The following PRDM11 variants were observed in gnomAD, a reference collection of about 807,000 sequenced individuals.
PRDM11 encodes PR domain-containing protein 11.
Under a neutral mutation model 97.8 loss-of-function variants are expected in PRDM11, and 20 were observed. The observed-to-expected ratio is 0.20, with a 90% confidence interval of 0.14 to 0.30. The LOEUF is 0.30. Ranked by LOEUF, PRDM11 falls within the 10% of genes least tolerant of loss-of-function variation. PRDM11 has a pLI of 1.00. For synonymous variants in PRDM11, 599 were observed against 637.7 expected (o/e 0.94, Z 0.91); for missense variants, 1,139 against 1,555.2 (o/e 0.73, Z 4.50).
chr11:45,105,601 G>A (rs967655799), intron 1 of PRDM11, among the ~76,000 whole-genome samples: 14 of 152,242 alleles, frequency 9.2e-5, no homozygotes, highest in Non-Finnish European at 1.3e-4. Context: ...CGTGGTGACA[G>A]CAGAGCCATG....
intron 1 of PRDM11, among the ~76,000 whole-genome samples, chr11:45,176,074 C>T (rs192776585): frequency 3.9e-5 from 6 of 152,040 alleles, no homozygotes; most frequent in Admixed American, 2.6e-4. Flanking sequence ...CTTGTAAAGG[C>T]CCTCTTCTAA....
At chr11:45,138,226 G>GAAAAAAAGATATTCTTAGAGA (rs1852918195) in intron 1 of PRDM11, among the ~76,000 whole-genome samples, 1 of 151,850 alleles carries the variant, frequency 6.6e-6, no homozygotes, top group East Asian at 1.9e-4. Context: ...AGAACAGAAG[G>GAAAAAAAGATATTCTTAGAGA]AAAAAAAGAT....
intron 1 of PRDM11, among the ~76,000 whole-genome samples, chr11:45,113,557 A>T (rs1195753616): frequency 6.6e-6 from 1 of 152,164 alleles, no homozygotes; most frequent in Non-Finnish European, 1.5e-5. Flanking sequence ...CATCTTCACA[A>T]TATTGATTCT....
chr11:45,211,889 A>G (rs904454946), intron 5 of PRDM11, among the ~76,000 whole-genome samples: 4 of 152,046 alleles, frequency 2.6e-5, no homozygotes, highest in Non-Finnish European at 4.4e-5. Flanking sequence ...TAACTTATGG[A>G]AAAAAAAGTG....
At chr11:45,184,163 C>T (rs1341552786) in intron 4 of PRDM11, among the ~76,000 whole-genome samples, 2 of 152,284 alleles carry the variant, frequency 1.3e-5, no homozygotes, top group South Asian at 2.1e-4. Flanking sequence ...AGAGCAAAGG[C>T]CCTGTGGCAG....
Position 45,224,580 on chromosome 11 carries a change from A to AG in PRDM11, c.1111dup (p.Val371GlyfsTer11). On this transcript the variant is annotated frameshift_variant, in exon 7 of 8. Coordinates refer to ENST00000683152, the MANE Select transcript of PRDM11 (RefSeq NM_001384648.1). LOFTEE classifies it high-confidence loss of function. ...GGGGAGGGGGACTGGAAGGTCCCCC[A>AG]GGGGGTCTCCAAGGAGCCAGGCCAA... 6.2e-7 allele frequency: 1 copy of AG among 1,614,066 alleles called. No individual in the cohort carries two copies. Among genetic ancestry groups the AG allele is most frequent in the Non-Finnish European group, 8.5e-7 (1 of 1,180,006 alleles).
At chr11:45,104,224 C>T (rs193069669) in intron 1 of PRDM11, among the ~76,000 whole-genome samples, 4 of 152,324 alleles carry the variant, frequency 2.6e-5, no homozygotes, top group Admixed American at 6.5e-5. Flanking sequence ...CTGGCTCTTC[C>T]AGGTGATGAG....
At chr11:45,145,490 A>G (rs1477724579), upstream of PRDM11, among the ~76,000 whole-genome samples, 1 of 152,152 alleles carries the variant, frequency 6.6e-6, no homozygotes, top group Non-Finnish European at 1.5e-5. Context: ...CCGCCTTGGG[A>G]GGAGGCTTCC....
At chr11:45,112,109 C>T (rs1442833049) in intron 1 of PRDM11, among the ~76,000 whole-genome samples, 2 of 152,130 alleles carry the variant, frequency 1.3e-5, no homozygotes, top group Admixed American at 6.6e-5. Flanking sequence ...CCAACCTTCC[C>T]CCACAAGTCC....
At chr11:45,188,737 A>T (rs1165794158) in intron 4 of PRDM11, among the ~76,000 whole-genome samples, 1 of 152,214 alleles carries the variant, frequency 6.6e-6, no homozygotes, top group Non-Finnish European at 1.5e-5. Flanking sequence ...CCTATTGGAA[A>T]TTATAAATGC....
rs1325986776 is a variant in PRDM11, at chr11:45,219,819, C to T, written c.742+62C>T. 4.0e-6 allele frequency: 6 copies of T among 1,515,230 alleles called. No homozygotes were observed. Among genetic ancestry groups the T allele is most frequent in the Middle Eastern group, 1.7e-4 (1 of 5,770 alleles). The allele number at this position is 1,515,230 out of a possible 1,614,324, so 93.9% of individuals were successfully genotyped here. A position where few individuals can be genotyped will look rare whatever the true frequency, so the allele number is the denominator to read the frequency against. On this transcript the variant is annotated intron_variant, in intron 6 of 7. Coordinates refer to ENST00000683152, the MANE Select transcript of PRDM11 (RefSeq NM_001384648.1). This position sits in a 1 kb window ranked among gnomAD's most constrained non-coding sequence, Gnocchi z 4.2. The stretch of plus-strand genomic sequence containing the variant: ...TGAGCCCCAGGGGAGGCCTGGATAG[C>T]TTGTTTTGGAGCTTCCTGAGAAATA...
intron 1 of PRDM11, among the ~76,000 whole-genome samples, chr11:45,120,970 C>T (rs1852417762): frequency 6.6e-6 from 1 of 151,952 alleles, no homozygotes; most frequent in African/African-American, 2.4e-5. Flanking sequence ...AACAGTGCAA[C>T]CTTAAGGTAG....
upstream of PRDM11, among the ~76,000 whole-genome samples, chr11:45,142,547 G>T (rs559495857): frequency 6.6e-6 from 1 of 152,290 alleles, no homozygotes; most frequent in South Asian, 2.1e-4. Flanking sequence ...TGCCTCAACA[G>T]GAGGGACTAA....
rs1284214622 is a variant in PRDM11, at chr11:45,226,948, G to A, written c.2323G>A (p.Gly775Arg). The A allele has an allele frequency of 7.8e-6, 12 of 1,533,814 alleles. No homozygotes were observed. Among genetic ancestry groups the A allele is most frequent in the African/African-American group, 1.4e-5 (1 of 72,970 alleles). Residue 775 changes from glycine to arginine, a missense_variant, in exon 8 of 8, where the codon GGG becomes AGG. By Grantham distance (125) the Gly-to-Arg change is moderately radical. Coordinates refer to ENST00000683152, the MANE Select transcript of PRDM11 (RefSeq NM_001384648.1). ...CCTGGAGATCCTGGATGCCATCAGC[G>A]GGAAGGAGCTCCCATGCCTGGAGGA... The part of the protein sequence containing the change: ...PHLEILDAIS[G>R]KELPCLEELE...
intron 1 of PRDM11, among the ~76,000 whole-genome samples, chr11:45,102,757 A>G (rs1332819140): frequency 6.6e-6 from 1 of 152,226 alleles, no homozygotes. Flanking sequence ...ACGCCAGGCG[A>G]GCCTCTGGCC....
chr11:45,134,700 C>CAAAAAAAAAAAAA (rs1852795712), intron 1 of PRDM11, among the ~76,000 whole-genome samples: 1 of 12,194 alleles, frequency 8.2e-5, no homozygotes, highest in Non-Finnish European at 1.2e-4. Flanking sequence ...CCCTGTCTCA[C>CAAAAAAAAAAAAA]GAAAAAAAAA....
chr11:45,105,752 T>A (rs1220649285), intron 1 of PRDM11, among the ~76,000 whole-genome samples: 8 of 152,196 alleles, frequency 5.3e-5, no homozygotes, highest in Non-Finnish European at 1.5e-5. Flanking sequence ...TCCCTCTCCC[T>A]GGGGGCAGCC....
chr11:45,121,658 T>C (rs1291191984), intron 1 of PRDM11, among the ~76,000 whole-genome samples: 1 of 152,216 alleles, frequency 6.6e-6, no homozygotes, highest in Non-Finnish European at 1.5e-5. Context: ...TTTGAAGTGC[T>C]TGTGGAACAT....
intron 4 of PRDM11, among the ~76,000 whole-genome samples, chr11:45,189,848 G>A (rs543649152): frequency 6.6e-6 from 1 of 152,238 alleles, no homozygotes; most frequent in African/African-American, 2.4e-5. Flanking sequence ...TACCAAGTTC[G>A]GGGATGCTCA....
Sources: gnomAD v4.1 joint callset for allele counts (sites outside exome capture counted in the v4.1 genomes callset) on GRCh38, gnomAD v4.1.1 for gene constraint, Gnocchi (gnomAD v3.1) non-coding constraint, MANE v1.5 for transcripts, NCBI Gene and HGNC (gene_info 2026-07-23, HGNC 2026-07-21) for gene names.